PTPN14: variants seen among roughly 807,000 people sequenced by gnomAD.
PTPN14 encodes the protein protein tyrosine phosphatase non-receptor type 14.
Under a neutral mutation model 126.8 loss-of-function variants are expected in PTPN14, and 53 were observed. The observed-to-expected ratio is 0.42, with a 90% CI of 0.34 to 0.53. The LOEUF (loss-of-function observed/expected upper bound fraction) is 0.53. Among genes scored for constraint, PTPN14 ranks in the 20% least tolerant of loss-of-function variants. The pLI is 0.08. For missense variants in PTPN14, 1,257 were observed against 1,552.9 expected (o/e 0.81, Z 3.20); for synonymous variants, 630 against 599.3 (o/e 1.05, Z -0.75).
At chr1:214,365,496 A>G (rs951843750) in intron 17 of PTPN14, among the ~76,000 whole-genome samples, 4 of 152,210 alleles carry the variant, frequency 2.6e-5, no homozygotes, top group Non-Finnish European at 4.4e-5. Context: ...CCCAAAATGT[A>G]ATTAATAATT....
chr1:214,354,972 T>C lies in PTPN14; in HGVS notation c.*2950A>G, dbSNP rs1286513706. On this transcript the variant is annotated 3_prime_UTR_variant, in exon 19 of 19. Coordinates refer to ENST00000366956, the MANE Select transcript of PTPN14 (RefSeq NM_005401.5). Reference sequence around the variant, plus strand: ...CATCTCTGGGCAATTATTATGCAGATGCCACCGAAAGGACTTTAAATGGCT... The same window carrying C: ...CATCTCTGGGCAATTATTATGCAGACGCCACCGAAAGGACTTTAAATGGCT... 1 of 152,236 alleles carries C rather than the reference T, an allele frequency of 6.6e-6. No homozygotes were observed. Among genetic ancestry groups the C allele is most frequent in the East Asian group, 1.9e-4 (1 of 5,204 alleles). 9.4% of individuals were successfully genotyped at this position (152,236 alleles called of 1,614,324 possible). A position where few individuals can be genotyped will look rare whatever the true frequency, so the allele number is the denominator to read the frequency against.
intron 1 of PTPN14, among the ~76,000 whole-genome samples, chr1:214,498,072 T>C (rs1654580443): frequency 1.3e-5 from 2 of 152,214 alleles, no homozygotes; most frequent in Non-Finnish European, 2.9e-5. Flanking sequence ...ACTTTTATAT[T>C]CAGAAAAATA....
intron 2 of PTPN14, among the ~76,000 whole-genome samples, chr1:214,455,999 T>C (rs537166011): frequency 6.6e-6 from 1 of 152,034 alleles, no homozygotes; most frequent in East Asian, 1.9e-4. Flanking sequence ...TAGTTTGGGG[T>C]GGTTTTTATT....
chr1:214,404,629 C>CT (rs1473251248), intron 5 of PTPN14, among the ~76,000 whole-genome samples: 1 of 152,176 alleles, frequency 6.6e-6, no homozygotes, highest in Non-Finnish European at 1.5e-5. Context: ...TTGTTCTCAA[C>CT]TTAACCGCCT....
At chr1:214,363,319 T>C (rs1409360521) in intron 18 of PTPN14, among the ~76,000 whole-genome samples, 1 of 152,266 alleles carries the variant, frequency 6.6e-6, no homozygotes, top group East Asian at 1.9e-4. Flanking sequence ...GAGTTTAATG[T>C]CTAAGCTTAG....
Position 214,451,828 on chromosome 1 carries a change from T to C in PTPN14, c.321A>G (p.Ser107=), listed in dbSNP as rs1451109601. The change falls in exon 3 of 19, where the codon TCA becomes TCG. Residue 107 remains serine (S), a synonymous_variant. Coordinates refer to ENST00000366956, the MANE Select transcript of PTPN14 (RefSeq NM_005401.5). ...FGVMFYVPNV[S]WLQQEATRYQ... ...ACCTTGTGGCCTCTTGCTGAAGCCATGACACATTTGGCACATAGAACATGA... is the reference window on the plus strand; with the variant it reads ...ACCTTGTGGCCTCTTGCTGAAGCCACGACACATTTGGCACATAGAACATGA... 6.2e-7 allele frequency: 1 copy of C among 1,614,146 alleles called. No individual in the cohort carries two copies. Among genetic ancestry groups the C allele is most frequent in the African/African-American group, 1.3e-5 (1 of 75,026 alleles).
At chr1:214,440,994 ATTTC>A (rs1660025943) in intron 3 of PTPN14, among the ~76,000 whole-genome samples, 1 of 152,082 alleles carries the variant, frequency 6.6e-6, no homozygotes, top group Non-Finnish European at 1.5e-5. Flanking sequence ...AGCCCTCTGG[ATTTC>A]TTTGTTGACT....
At chr1:214,451,046 C>T (rs1239750761) in intron 3 of PTPN14, among the ~76,000 whole-genome samples, 1 of 152,216 alleles carries the variant, frequency 6.6e-6, no homozygotes, top group Non-Finnish European at 1.5e-5. Flanking sequence ...TTTACTCCCA[C>T]TTTTAGTTAC....
At chr1:214,400,748 T>A (rs1036259368) in intron 7 of PTPN14, among the ~76,000 whole-genome samples, 3 of 152,182 alleles carry the variant, frequency 2.0e-5, no homozygotes, top group Non-Finnish European at 2.9e-5. Flanking sequence ...TACAACCCTA[T>A]GAAGGGCAGC....
At chr1:214,520,809 A>G (rs1471814671) in intron 1 of PTPN14, among the ~76,000 whole-genome samples, 2 of 152,242 alleles carry the variant, frequency 1.3e-5, no homozygotes, top group Non-Finnish European at 2.9e-5. Context: ...CAGTTCACTC[A>G]AATGTTTTAC....
intron 6 of PTPN14, 40 bp from the exon 7 acceptor site, chr1:214,401,812 G>A: frequency 6.7e-7 from 1 of 1,483,062 alleles, no homozygotes; most frequent in Non-Finnish European, 9.4e-7. Flanking sequence ...ATGGTTAAGG[G>A]CAGCCAGTGG....
intron 1 of PTPN14, among the ~76,000 whole-genome samples, chr1:214,538,268 G>A (rs1171793546): frequency 6.6e-6 from 1 of 152,212 alleles, no homozygotes; most frequent in Non-Finnish European, 1.5e-5. Flanking sequence ...CTAACGTGGT[G>A]GTTAAGAACT....
At chr1:214,545,600 A>G (rs1163745870) in intron 1 of PTPN14, among the ~76,000 whole-genome samples, 1 of 152,148 alleles carries the variant, frequency 6.6e-6, no homozygotes, top group Non-Finnish European at 1.5e-5. Context: ...GTAAGGATGG[A>G]GGGAAAGGAG....
chr1:214,493,049 G>T (rs1393497671), intron 1 of PTPN14, among the ~76,000 whole-genome samples: 2 of 152,178 alleles, frequency 1.3e-5, no homozygotes, highest in African/African-American at 2.4e-5. Context: ...ACTGTTTTCA[G>T]AGGGGGGATG....
intron 1 of PTPN14, among the ~76,000 whole-genome samples, chr1:214,519,916 T>C (rs2102455065): frequency 6.6e-6 from 1 of 151,570 alleles, no homozygotes; most frequent in African/African-American, 2.4e-5. Context: ...GCATGGTGGC[T>C]AGCGCCTATA....
intron 3 of PTPN14, among the ~76,000 whole-genome samples, chr1:214,420,584 T>C (rs891178522): frequency 3.9e-5 from 6 of 152,260 alleles, no homozygotes; most frequent in Non-Finnish European, 7.3e-5. Flanking sequence ...TTTCTGCTCT[T>C]GAACTCTTGC....
chr1:214,416,659 C>G (rs988767084), intron 3 of PTPN14, among the ~76,000 whole-genome samples: 2 of 152,106 alleles, frequency 1.3e-5, no homozygotes, highest in African/African-American at 4.8e-5. Context: ...TGGAAGCCAT[C>G]CAAACTAGGA....
At chr1:214,427,651 G>A (rs112564739) in intron 3 of PTPN14, among the ~76,000 whole-genome samples, 3 of 152,220 alleles carry the variant, frequency 2.0e-5, no homozygotes, top group East Asian at 3.9e-4. Flanking sequence ...AGTCTAGTGG[G>A]GAAGACAAGC....
intron 3 of PTPN14, among the ~76,000 whole-genome samples, chr1:214,418,899 G>A (rs148406582): frequency 1.3e-5 from 2 of 152,322 alleles, no homozygotes; most frequent in African/African-American, 2.4e-5. Context: ...AAGAAGGATG[G>A]AGGGATAGAA....
Sources: allele counts gnomAD v4.1 joint callset (sites outside exome capture counted in the v4.1 genomes callset), GRCh38; gene constraint gnomAD v4.1.1; transcripts MANE v1.5; gene names NCBI Gene and HGNC (gene_info 2026-07-23, HGNC 2026-07-21).